KLHL22: variants seen among roughly 807,000 people sequenced by gnomAD.
The protein encoded by KLHL22 is kelch-like protein 22.
Under a neutral mutation model 60.7 loss-of-function variants are expected in KLHL22, and 18 were observed. The ratio of observed to expected loss-of-function variants is 0.30; its 90% CI spans 0.20 to 0.44. The LOEUF (loss-of-function observed/expected upper bound fraction) is 0.44. Ranked by LOEUF, KLHL22 falls within the 20% of genes least tolerant of loss-of-function variation. The pLI is 1.00. For missense variants in KLHL22, 596 were observed against 852.3 expected (o/e 0.70, Z 3.74); for synonymous variants, 355 against 354.5 (o/e 1.00, Z -0.01).
In KLHL22 at chr22:20,441,923, G is replaced by T; in HGVS notation, c.*150C>A. ...ATGCCTGCGGCAGGCTGGCCAAGGG[G>T]CTGGTGTGAAGAAAGAGGGCAGGGC... On this transcript the variant is annotated 3_prime_UTR_variant, in exon 7 of 7. Transcript: ENST00000328879. 2 of 728,238 alleles carry T rather than the reference G, an allele frequency of 2.7e-6. No individual in the cohort carries two copies. The highest frequency in any genetic ancestry group is 4.1e-6 in the Non-Finnish European group (2 of 483,430). The allele number at this position is 728,238 out of a possible 1,614,324, so 45.1% of individuals were successfully genotyped here.
intron 5 of KLHL22, among the ~76,000 whole-genome samples, chr22:20,455,953 T>C (rs570572766): frequency 5.2e-4 from 79 of 152,352 alleles, no homozygotes; most frequent in African/African-American, 1.9e-3. Context: ...AGCAGCCTGC[T>C]CTGACTCGGC....
rs540661109 is a variant in KLHL22 at position 20,490,823 on chromosome 22, G to T, written c.-33-1579C>A. On this transcript the variant is annotated intron_variant, in intron 1 of 6. Coordinates refer to ENST00000328879, the MANE Select transcript of KLHL22 (RefSeq NM_032775.4). ...AGGTGGAGCTCAGGTGGTAATGCTG[G>T]ATCACCCTCCACTCACCTCCTGTTG... 2.4e-3 allele frequency among the ~76,000 whole-genome samples: 360 copies of T among 152,196 alleles called. 4 individuals carry two copies. The highest frequency in any genetic ancestry group is 4.1e-3 in the Non-Finnish European group (282 of 67,994).
At chr22:20,479,559 T>G (rs1331924655) in intron 2 of KLHL22, among the ~76,000 whole-genome samples, 3 of 151,440 alleles carry the variant, frequency 2.0e-5, no homozygotes, top group African/African-American at 7.3e-5. Context: ...TTTAAAAAAC[T>G]GGCCAGGCAT....
intron 2 of KLHL22, 49 bp downstream of exon 2, chr22:20,488,936 C>T (rs1310452628): frequency 3.8e-6 from 6 of 1,566,832 alleles, no homozygotes; most frequent in Non-Finnish European, 5.2e-6. Context: ...ACTAGCAGAG[C>T]CAGGATTACC....
At chr22:20,483,590 G>C (rs1163445549) in intron 2 of KLHL22, 12 of 726,826 alleles carry the variant, frequency 1.7e-5, no homozygotes, top group Non-Finnish European at 2.8e-5. Flanking sequence ...TAGTGCATGG[G>C]CAGTTCTGTC....
chr22:20,444,755 C>T (rs998246856), intron 6 of KLHL22, among the ~76,000 whole-genome samples: 6 of 151,750 alleles, frequency 4.0e-5, no homozygotes, highest in African/African-American at 1.4e-4. Context: ...CTGAGAGAAG[C>T]AGAATGGGAT....
chr22:20,480,158 G>A (rs2053475621), intron 2 of KLHL22, among the ~76,000 whole-genome samples: 3 of 152,192 alleles, frequency 2.0e-5, no homozygotes, highest in Admixed American at 1.3e-4. Context: ...TTAATTCATA[G>A]AGACAGAAAG....
At chr22:20,493,118 T>A (rs1471046273) in intron 1 of KLHL22, 1 of 470,594 alleles carries the variant, frequency 2.1e-6, no homozygotes, top group South Asian at 1.6e-5. Context: ...ACTACCCCAA[T>A]AGACATCAAG....
intron 3 of KLHL22, among the ~76,000 whole-genome samples, chr22:20,466,372 TA>T (rs361874): frequency 0.58 from 41,283 of 70,746 alleles, 11,174 homozygotes; most frequent in East Asian, 0.85. Flanking sequence ...AGACTCCGTC[TA>T]AAAAAAAAAA....
chr22:20,455,661 C>T (rs1468261474), intron 5 of KLHL22, among the ~76,000 whole-genome samples: 5 of 152,202 alleles, frequency 3.3e-5, no homozygotes, highest in Admixed American at 1.3e-4. Flanking sequence ...TTTCCACCCC[C>T]GGGAGCCTGT....
chr22:20,464,997 G>C lies in KLHL22; in HGVS notation c.973C>G (p.Leu325Val). The C allele has an allele frequency of 1.2e-6, 2 of 1,611,958 alleles. No homozygotes were observed. The highest frequency in any genetic ancestry group is 1.7e-6 in the Non-Finnish European group (2 of 1,178,934). Residue 325 changes from leucine to valine, a missense_variant, in exon 4 of 7, where the codon CTG becomes GTG. Leu to Val is a conservative substitution (Grantham distance 32). Transcript: ENST00000328879. The part of the protein sequence containing the change: ...SDQAKYLNPL[L>V]GEWKHFTASL... ...GCAGTGAAGTGCTTCCACTCTCCCAGTAAGGGGTTTAGATACTTGGCCTGG... is the reference window on the plus strand; with the variant it reads ...GCAGTGAAGTGCTTCCACTCTCCCACTAAGGGGTTTAGATACTTGGCCTGG...
rs113153863 is a variant in KLHL22, at chr22:20,450,692, C to T, written c.1306-4016G>A. ...AAGTGCGATGAAATTCAGGTGGATC[C>T]TGAAGAACCAGTCTTTGAGGCTGTC... is the stretch of plus-strand genomic sequence containing the variant. On this transcript the variant is annotated intron_variant, in intron 5 of 6. Coordinates refer to ENST00000328879, the MANE Select transcript of KLHL22 (RefSeq NM_032775.4). 672 of 1,465,114 alleles carry T rather than the reference C, an allele frequency of 4.6e-4. 3 individuals carry two copies. In the African/African-American group the frequency reaches 8.0e-3, roughly 17 times the overall value. The allele number at this position is 1,465,114 out of a possible 1,614,324, so 90.8% of individuals were successfully genotyped here.
At position 20,465,696 on chromosome 22, in the gene KLHL22, C is replaced by T. The variant is rs1270518966; in HGVS notation, c.394-120G>A. On this transcript the variant is annotated intron_variant, in intron 3 of 6. Transcript: ENST00000328879. This position sits in a 1 kb window ranked among gnomAD's most constrained non-coding sequence, Gnocchi z 4.9. ...CCAGGCAAAGCAGAAGGGAAGTCCT[C>T]CTTAATTGTCCCCGACCTTTTCTGA... 4.3e-6 allele frequency: 3 copies of T among 692,600 alleles called. No homozygotes were observed. The highest frequency in any genetic ancestry group is 7.9e-6 in the Non-Finnish European group (3 of 379,608). 42.9% of individuals were successfully genotyped at this position (692,600 alleles called of 1,614,324 possible).
chr22:20,472,103 C>G (rs577961002), intron 2 of KLHL22, among the ~76,000 whole-genome samples: 1 of 150,850 alleles, frequency 6.6e-6, no homozygotes, highest in East Asian at 2.0e-4. Context: ...AAATATTAGC[C>G]GGGCATGATG....
chr22:20,455,250 C>T lies in KLHL22; in HGVS notation c.1305+2558G>A, dbSNP rs139192956. On this transcript the variant is annotated intron_variant, in intron 5 of 6. Coordinates refer to ENST00000328879, the MANE Select transcript of KLHL22 (RefSeq NM_032775.4). ...AGCAAGCCTGATCAGTTTACCTCCA[C>T]GCTACACTCTGAACCCTCCCATCTC... Among the ~76,000 whole-genome samples the T allele has an allele frequency of 5.6e-4, 85 of 152,308 alleles. 2 individuals are homozygous for T. In the East Asian group the frequency reaches 0.013, roughly 23 times the overall value.
chr22:20,482,990 A>G, intron 2 of KLHL22: 1 of 722,596 alleles, frequency 1.4e-6, no homozygotes, highest in Non-Finnish European at 2.5e-6. Flanking sequence ...CTTAGCCTCC[A>G]GCTTGACCTT....
At chr22:20,477,020 A>G (rs1047281812) in intron 2 of KLHL22, among the ~76,000 whole-genome samples, 2 of 150,416 alleles carry the variant, frequency 1.3e-5, no homozygotes, top group Non-Finnish European at 3.0e-5. Context: ...ACAAACTTTT[A>G]CCATTTTAAG....
chr22:20,492,024 C>G (rs1015812683), intron 1 of KLHL22: 2 of 152,258 alleles, frequency 1.3e-5, no homozygotes, highest in African/African-American at 2.4e-5. Context: ...AAACTCTGCT[C>G]TATGATAATT....
intron 5 of KLHL22, among the ~76,000 whole-genome samples, chr22:20,452,010 G>A (rs1348150207): frequency 1.3e-5 from 2 of 151,942 alleles, no homozygotes; most frequent in African/African-American, 4.8e-5. Context: ...TCCTGAGAAG[G>A]GTGGGTAACA....
Sources: allele counts gnomAD v4.1 joint callset (sites outside exome capture counted in the v4.1 genomes callset), GRCh38; gene constraint gnomAD v4.1.1; non-coding constraint Gnocchi (gnomAD v3.1); transcripts MANE v1.5; gene names NCBI Gene and HGNC (gene_info 2026-07-23, HGNC 2026-07-21).